FGF12: variants seen among roughly 807,000 people sequenced by gnomAD.
The protein encoded by FGF12 is fibroblast growth factor 12.
In FGF12, 14 loss-of-function variants were observed where a neutral mutation model predicts 23.6. That is an observed-to-expected ratio of 0.59 (90% confidence interval 0.39 to 0.93). The LOEUF (loss-of-function observed/expected upper bound fraction) is 0.93, where lower values mean the gene tolerates loss of function less well. Ranked by LOEUF, FGF12 falls within the 40% of genes least tolerant of loss-of-function variation. The pLI is 0.00. For synonymous variants in FGF12, 62 were observed against 77.3 expected, an observed-to-expected ratio of 0.80 and a Z score of 1.04; for missense variants, 175 against 217.8, an observed-to-expected ratio of 0.80 and a Z score of 1.24.
At chr3:192,184,888 T>A (rs1271004856) in intron 4 of FGF12, among the ~76,000 whole-genome samples, 1 of 152,244 alleles carries the variant, frequency 6.6e-6, no homozygotes, top group Non-Finnish European at 1.5e-5. Context: ...ACATTCTCTA[T>A]CTTTACCACC....
intron 2 of FGF12, among the ~76,000 whole-genome samples, chr3:192,437,783 T>G (rs942115913): frequency 6.6e-6 from 1 of 151,950 alleles, no homozygotes; most frequent in Non-Finnish European, 1.5e-5. Context: ...ATTCCTTCAG[T>G]CTCTTTGTAA....
chr3:192,426,502 A>G (rs1007254595), intron 2 of FGF12, among the ~76,000 whole-genome samples: 3 of 152,228 alleles, frequency 2.0e-5, no homozygotes, highest in Admixed American at 6.5e-5. Context: ...TTGAAAATAT[A>G]TTAGGCTTCA....
At chr3:192,559,036 T>C (rs1193987406) in intron 2 of FGF12, among the ~76,000 whole-genome samples, 1 of 151,884 alleles carries the variant, frequency 6.6e-6, no homozygotes, top group East Asian at 1.9e-4. Context: ...ATATCGCTTT[T>C]CACAAGGATT....
At chr3:192,719,793 A>G (rs1435294774) in intron 2 of FGF12, among the ~76,000 whole-genome samples, 1 of 139,406 alleles carries the variant, frequency 7.2e-6, no homozygotes, top group Non-Finnish European at 1.5e-5. Context: ...GGGCAAAAAA[A>G]AAAAAAAAAA....
chr3:192,293,542 A>T (rs1023504493), intron 4 of FGF12, among the ~76,000 whole-genome samples: 1 of 152,318 alleles, frequency 6.6e-6, no homozygotes, highest in Non-Finnish European at 1.5e-5. Context: ...ATCAAAAAGA[A>T]GTGCCAAATT....
chr3:192,568,790 C>T (rs926020138), intron 2 of FGF12, among the ~76,000 whole-genome samples: 4 of 152,072 alleles, frequency 2.6e-5, no homozygotes, highest in African/African-American at 4.8e-5. Context: ...AGATACATAA[C>T]GTTATCACTG....
At chr3:192,234,357 T>C (rs1049253762) in intron 4 of FGF12, among the ~76,000 whole-genome samples, 21 of 151,980 alleles carry the variant, frequency 1.4e-4, no homozygotes, top group African/African-American at 5.1e-4. Flanking sequence ...CCAGCTATTG[T>C]TGAGCTACTA....
rs111377647 is a variant in FGF12 at position 192,492,023 on chromosome 3, G to GT, written c.14-131486dup. 6.7e-3 allele frequency among the ~76,000 whole-genome samples: 1,022 copies of GT among 152,240 alleles called. 13 individuals carry two copies. Among genetic ancestry groups the GT allele is most frequent in the African/African-American group, 0.023 (964 of 41,562 alleles). ...TCAAAACAGGAGTGTCATTCATCAT[G>GT]TAAGAGTATTCATACTACAGACTTA... On this transcript the variant is annotated intron_variant, in intron 2 of 5. Coordinates refer to ENST00000445105, the MANE Select transcript of FGF12 (RefSeq NM_004113.6).
At chr3:192,557,542 G>A (rs1711838701) in intron 2 of FGF12, among the ~76,000 whole-genome samples, 1 of 151,684 alleles carries the variant, frequency 6.6e-6, no homozygotes, top group Non-Finnish European at 1.5e-5. Context: ...TTGAAGAGAG[G>A]GGAACACTTC....
At position 192,624,153 on chromosome 3, in the gene FGF12, T is replaced by C. The variant is rs192976290; in HGVS notation, c.13+103028A>G. 5.1e-4 allele frequency among the ~76,000 whole-genome samples: 77 copies of C among 151,860 alleles called. 1 individual carries two copies. The highest frequency in any genetic ancestry group is 6.8e-3 in the Middle Eastern group (2 of 294). ...CTAATACTTTCCATAGAAATATACA[T>C]AGGGCATACAACCCAGTAGCAAATG... On this transcript the variant is annotated intron_variant, in intron 2 of 5. Transcript: ENST00000445105.
chr3:192,512,328 G>C (rs1724502608), intron 2 of FGF12, among the ~76,000 whole-genome samples: 2 of 151,986 alleles, frequency 1.3e-5, no homozygotes. Context: ...ATTGCTGTGA[G>C]GTCATACTAA....
chr3:192,359,516 A>G (rs1254692705), intron 3 of FGF12, among the ~76,000 whole-genome samples: 6 of 152,322 alleles, frequency 3.9e-5, no homozygotes, highest in African/African-American at 1.4e-4. Flanking sequence ...GAAGACAGAC[A>G]AACATTAGGA....
At chr3:192,187,241 T>C (rs1197191705) in intron 4 of FGF12, among the ~76,000 whole-genome samples, 1 of 152,216 alleles carries the variant, frequency 6.6e-6, no homozygotes, top group East Asian at 1.9e-4. Context: ...GATATTATGC[T>C]AGAGTCGACG....
At chr3:192,653,927 T>C (rs1355702010) in intron 2 of FGF12, among the ~76,000 whole-genome samples, 1 of 152,130 alleles carries the variant, frequency 6.6e-6, no homozygotes, top group Non-Finnish European at 1.5e-5. Flanking sequence ...GGTTTCACCA[T>C]GTTGGTCTGG....
At chr3:192,454,679 A>T (rs532711300) in intron 2 of FGF12, among the ~76,000 whole-genome samples, 3 of 152,294 alleles carry the variant, frequency 2.0e-5, no homozygotes, top group Admixed American at 6.5e-5. Context: ...CCCTTTTCAC[A>T]CGGCAAAGAA....
intron 4 of FGF12, among the ~76,000 whole-genome samples, chr3:192,309,511 C>T (rs967580372): frequency 2.0e-5 from 3 of 152,036 alleles, no homozygotes; most frequent in African/African-American, 7.2e-5. Context: ...GCTGATAATT[C>T]ATTTCTGGAG....
chr3:192,481,029 G>A (rs1723465980), intron 2 of FGF12, among the ~76,000 whole-genome samples: 1 of 152,088 alleles, frequency 6.6e-6, no homozygotes, highest in Non-Finnish European at 1.5e-5. Flanking sequence ...TGCCCTGTAT[G>A]CTTAATTTAT....
chr3:192,534,898 T>C (rs1260185287), intron 2 of FGF12, among the ~76,000 whole-genome samples: 1 of 152,154 alleles, frequency 6.6e-6, no homozygotes, highest in East Asian at 1.9e-4. Flanking sequence ...CAAATAGAAA[T>C]ACCACCTTAC....
chr3:192,250,625 T>C (rs758916949), intron 4 of FGF12, among the ~76,000 whole-genome samples: 3 of 152,154 alleles, frequency 2.0e-5, no homozygotes, highest in Admixed American at 1.3e-4. Context: ...CCAATAATGA[T>C]ATATTTAGAT....
Sources: allele counts gnomAD v4.1 joint callset (sites outside exome capture counted in the v4.1 genomes callset), GRCh38; gene constraint gnomAD v4.1.1; transcripts MANE v1.5; gene names NCBI Gene and HGNC (gene_info 2026-07-23, HGNC 2026-07-21).